Variants in PTPRD observed in about 807,000 individuals in gnomAD.
PTPRD encodes the protein protein tyrosine phosphatase receptor type D, also known as receptor-type tyrosine-protein phosphatase delta.
A neutral mutation model predicts 214.5 loss-of-function variants in PTPRD; 34 were observed. That is an observed-to-expected ratio of 0.16 (90% CI 0.12 to 0.21). The LOEUF (loss-of-function observed/expected upper bound fraction) is 0.21, where lower values mean the gene tolerates loss of function less well. PTPRD is among the 10% of genes least tolerant of loss of function. The pLI is 1.00. For synonymous variants in PTPRD, 1,128 were observed against 845.7 expected, an observed-to-expected ratio of 1.33 and a Z score of -5.79; for missense variants, 2,545 against 2,398.7, an observed-to-expected ratio of 1.06 and a Z score of -1.27.
intron 12 of PTPRD, among the ~76,000 whole-genome samples, chr9:8,695,549 C>T (rs1446624800): frequency 6.6e-6 from 1 of 152,086 alleles, no homozygotes; most frequent in Non-Finnish European, 1.5e-5. Flanking sequence ...TATCAGATAC[C>T]AATTTATATT....
At chr9:8,403,112 C>G (rs2092609970) in intron 36 of PTPRD, among the ~76,000 whole-genome samples, 1 of 152,116 alleles carries the variant, frequency 6.6e-6, no homozygotes, top group Admixed American at 6.6e-5. Context: ...ATGGTGCCTA[C>G]TGAGAAAGCT....
At chr9:9,076,441 C>T (rs371321632) in intron 10 of PTPRD, among the ~76,000 whole-genome samples, 1 of 151,770 alleles carries the variant, frequency 6.6e-6, no homozygotes, top group African/African-American at 2.4e-5. Context: ...CCCCTTTGCT[C>T]CCCTGTCTAG....
chr9:9,236,960 A>C (rs2099967184), intron 9 of PTPRD, among the ~76,000 whole-genome samples: 1 of 152,170 alleles, frequency 6.6e-6, no homozygotes, highest in Admixed American at 6.5e-5. Flanking sequence ...TGGAAACCTT[A>C]GTTAAGCCTC....
At chr9:8,589,366 A>G (rs547862225) in intron 14 of PTPRD, among the ~76,000 whole-genome samples, 1 of 152,326 alleles carries the variant, frequency 6.6e-6, no homozygotes, top group Non-Finnish European at 1.5e-5. Context: ...GGTTCTCGTA[A>G]GTCCTGGAAT....
chr9:9,419,956 G>A (rs1256494476), intron 8 of PTPRD, among the ~76,000 whole-genome samples: 1 of 151,498 alleles, frequency 6.6e-6, no homozygotes, highest in Non-Finnish European at 1.5e-5. Flanking sequence ...ATCCAGCACC[G>A]ACGTAAGACT....
chr9:9,425,300 CA>C (rs1212755086), intron 8 of PTPRD, among the ~76,000 whole-genome samples: 4 of 150,940 alleles, frequency 2.7e-5, no homozygotes, highest in Admixed American at 6.6e-5. Flanking sequence ...GAATCATGAG[CA>C]ATAAACCTAA....
At chr9:8,832,709 A>G (rs997164678) in intron 11 of PTPRD, among the ~76,000 whole-genome samples, 3 of 152,092 alleles carry the variant, frequency 2.0e-5, no homozygotes, top group African/African-American at 4.8e-5. Flanking sequence ...TAAATGTGAA[A>G]TCTTTCAACT....
chr9:8,647,823 G>T (rs892938256), intron 12 of PTPRD, among the ~76,000 whole-genome samples: 1 of 152,096 alleles, frequency 6.6e-6, no homozygotes. Context: ...TTTATCCACT[G>T]TCCAAAATAA....
At chr9:9,615,562 T>A (rs1003626803) in intron 7 of PTPRD, among the ~76,000 whole-genome samples, 1 of 152,192 alleles carries the variant, frequency 6.6e-6, no homozygotes, top group Non-Finnish European at 1.5e-5. Flanking sequence ...ATAGTTTGTT[T>A]GTTTGTTTGT....
At chr9:10,189,522 T>C (rs1469745289) in intron 3 of PTPRD, among the ~76,000 whole-genome samples, 1 of 152,134 alleles carries the variant, frequency 6.6e-6, no homozygotes, top group Non-Finnish European at 1.5e-5. Flanking sequence ...ATGGAGAATA[T>C]ATTCCACCCT....
chr9:10,400,168 A>G (rs369119607), intron 2 of PTPRD, among the ~76,000 whole-genome samples: 10 of 151,850 alleles, frequency 6.6e-5, no homozygotes, highest in Admixed American at 2.0e-4. Flanking sequence ...AGGCAGGTCA[A>G]CTGAAGTCTG....
intron 8 of PTPRD, among the ~76,000 whole-genome samples, chr9:9,449,335 G>T (rs576593667): frequency 3.9e-5 from 6 of 152,082 alleles, no homozygotes; most frequent in African/African-American, 1.2e-4. Flanking sequence ...TTAACAGATT[G>T]CCTAATGAAT....
rs1471876954 is a variant in PTPRD, at chr9:10,291,307, T to C, written c.-545+49656A>G. On this transcript the variant is annotated intron_variant, in intron 3 of 45. Coordinates refer to ENST00000381196, the MANE Select transcript of PTPRD (RefSeq NM_002839.4). ...GAGGCAAAGTAGAAAGAATATGTAG[T>C]AGATGGAATGATGGTCTCAAAACAT... Among the ~76,000 whole-genome samples, 6 of 152,104 alleles carry C rather than the reference T, an allele frequency of 3.9e-5. No homozygotes were observed. In the South Asian group the frequency reaches 8.3e-4, roughly 21 times the overall value.
chr9:10,529,639 G>C (rs931087716), intron 2 of PTPRD, among the ~76,000 whole-genome samples: 1 of 151,768 alleles, frequency 6.6e-6, no homozygotes, highest in Non-Finnish European at 1.5e-5. Flanking sequence ...GATGGGTGCA[G>C]CAAACCACCA....
At chr9:9,447,992 G>A (rs561796213) in intron 8 of PTPRD, among the ~76,000 whole-genome samples, 7 of 151,960 alleles carry the variant, frequency 4.6e-5, no homozygotes, top group Non-Finnish European at 8.8e-5. Flanking sequence ...TTGGTGAAAT[G>A]GGCTACTATT....
intron 2 of PTPRD, among the ~76,000 whole-genome samples, chr9:10,546,264 G>A (rs773023006): frequency 5.3e-5 from 8 of 151,862 alleles, no homozygotes; most frequent in Middle Eastern, 3.2e-3. Flanking sequence ...GAGGTTAGTG[G>A]CTCATGTGTA....
At chr9:8,589,356 G>A (rs529399538) in intron 14 of PTPRD, among the ~76,000 whole-genome samples, 21 of 152,206 alleles carry the variant, frequency 1.4e-4, no homozygotes, top group African/African-American at 4.6e-4. Flanking sequence ...CTCTAGATAT[G>A]GTTCTCGTAA....
At chr9:9,472,238 C>T (rs540990093) in intron 8 of PTPRD, among the ~76,000 whole-genome samples, 1 of 146,052 alleles carries the variant, frequency 6.8e-6, no homozygotes, top group South Asian at 2.2e-4. Context: ...GCTCTGTCGC[C>T]CAGGCCGGAC....
chr9:10,474,942 C>A (rs935004736), intron 2 of PTPRD, among the ~76,000 whole-genome samples: 7 of 152,028 alleles, frequency 4.6e-5, no homozygotes, highest in African/African-American at 1.7e-4. Flanking sequence ...GCAATGAGAA[C>A]AAAGAGACAA....
Sources: allele counts gnomAD v4.1 joint callset (sites outside exome capture counted in the v4.1 genomes callset), GRCh38; gene constraint gnomAD v4.1.1; transcripts MANE v1.5; gene names NCBI Gene and HGNC (gene_info 2026-07-23, HGNC 2026-07-21).